TRAPPC9: variants seen among roughly 807,000 people sequenced by gnomAD.
The protein encoded by TRAPPC9 is IKK2 binding protein.
A neutral mutation model predicts 124.0 loss-of-function variants in TRAPPC9; 83 were observed. That is an observed-to-expected ratio of 0.67 (90% CI 0.56 to 0.80). TRAPPC9 has a LOEUF of 0.80. Ranked by LOEUF, TRAPPC9 falls within the 30% of genes least tolerant of loss-of-function variation. The pLI is 0.00. For missense variants in TRAPPC9, 1,302 were observed against 1,508.3 expected (o/e 0.86, Z 2.27); for synonymous variants, 638 against 617.5 (o/e 1.03, Z -0.49).
At chr8:140,033,665 T>G (rs111948603) in intron 17 of TRAPPC9, among the ~76,000 whole-genome samples, 2,188 of 26,554 alleles carry the variant, frequency 0.082, 15 homozygotes, top group South Asian at 0.19. Context: ...GTGGTTTTTT[T>G]TTTTTTTTTT....
chr8:139,786,221 A>G (rs1285910423), intron 21 of TRAPPC9, among the ~76,000 whole-genome samples: 4 of 151,922 alleles, frequency 2.6e-5, no homozygotes, highest in African/African-American at 9.7e-5. Flanking sequence ...CAAACAAACA[A>G]ATAAACCCAG....
chr8:139,830,293 G>GCA (rs35791031), intron 21 of TRAPPC9, among the ~76,000 whole-genome samples: 54,678 of 138,000 alleles, frequency 0.4, 15,445 homozygotes, highest in African/African-American at 0.78. Context: ...GCATACACAT[G>GCA]CACACACACT....
chr8:139,896,743 A>G (rs898804), intron 20 of TRAPPC9, among the ~76,000 whole-genome samples: 90,270 of 152,070 alleles, frequency 0.59, 27,499 homozygotes, highest in African/African-American at 0.74. Context: ...GGTTGTGCCA[A>G]GGCCCTGCAG....
At chr8:139,954,376 G>A (rs748826855) in intron 19 of TRAPPC9, among the ~76,000 whole-genome samples, 4 of 152,108 alleles carry the variant, frequency 2.6e-5, no homozygotes, top group African/African-American at 4.8e-5. Context: ...TCAAAGTGAC[G>A]GTATTAGGAG....
chr8:140,153,216 C>G (rs555472950), intron 17 of TRAPPC9, among the ~76,000 whole-genome samples: 1 of 152,278 alleles, frequency 6.6e-6, no homozygotes, highest in Non-Finnish European at 1.5e-5. Flanking sequence ...AGGACACTGT[C>G]CAAGCACAGG....
At chr8:140,033,721 G>A (rs71514663) in intron 17 of TRAPPC9, among the ~76,000 whole-genome samples, 4 of 111,688 alleles carry the variant, frequency 3.6e-5, no homozygotes, top group Admixed American at 2.8e-4. Flanking sequence ...TCGCTCTGTC[G>A]CCCAGGCTGG....
Position 140,285,794 on chromosome 8 carries a change from C to T in TRAPPC9, c.1982-1773G>A, listed in dbSNP as rs78651729. 7.8e-3 allele frequency among the ~76,000 whole-genome samples: 1,186 copies of T among 152,292 alleles called. 26 individuals carry two copies. The highest frequency in any genetic ancestry group is 0.044 in the Admixed American group (680 of 15,300). On this transcript the variant is annotated intron_variant, in intron 13 of 22. Coordinates refer to ENST00000438773, the MANE Select transcript of TRAPPC9 (RefSeq NM_001160372.4). ...GGGTCACTGACCCACTCACTCTCCC[C>T]GCTGGGTCCATGCCCAGAGTCATTC...
chr8:139,920,669 C>T (rs937901415), intron 19 of TRAPPC9, among the ~76,000 whole-genome samples: 2 of 152,210 alleles, frequency 1.3e-5, no homozygotes, highest in Non-Finnish European at 2.9e-5. Flanking sequence ...GACAGAGAAC[C>T]AGAGTGTTTC....
At chr8:139,918,528 G>C (rs887633040) in intron 19 of TRAPPC9, among the ~76,000 whole-genome samples, 1 of 152,214 alleles carries the variant, frequency 6.6e-6, no homozygotes, top group Admixed American at 6.5e-5. Flanking sequence ...CGGCCAGAGC[G>C]AGGGGCCCTC....
At chr8:140,443,866 A>G (rs1043467629) in intron 2 of TRAPPC9, among the ~76,000 whole-genome samples, 4 of 150,796 alleles carry the variant, frequency 2.7e-5, no homozygotes, top group Non-Finnish European at 4.4e-5. Context: ...GTGAAACCCC[A>G]TCTCTACTAA....
intron 3 of TRAPPC9, among the ~76,000 whole-genome samples, chr8:140,435,946 C>T (rs984513380): frequency 6.6e-6 from 1 of 152,214 alleles, no homozygotes; most frequent in African/African-American, 2.4e-5. Flanking sequence ...TTAAAAATGA[C>T]TTAGGATCAC....
chr8:139,739,832 C>T (rs994098657), intron 21 of TRAPPC9, among the ~76,000 whole-genome samples: 4 of 152,264 alleles, frequency 2.6e-5, no homozygotes, highest in Non-Finnish European at 5.9e-5. Context: ...TCTCATTCAC[C>T]GTGGTGTCCC....
rs149699788 is a variant in TRAPPC9, at chr8:140,312,524, G to T, written c.1496-1150C>A. 4.4e-4 allele frequency among the ~76,000 whole-genome samples: 67 copies of T among 152,276 alleles called. No individual in the cohort carries two copies. The East Asian group carries it at 0.013, about 29-fold the overall frequency. On this transcript the variant is annotated intron_variant, in intron 9 of 22. Coordinates refer to ENST00000438773, the MANE Select transcript of TRAPPC9 (RefSeq NM_001160372.4). ...AAAAGCAGTGAATGGCAGATACGGTGCACTGAATAAACTGAAATGATAATA... is the reference window on the plus strand; with the variant it reads ...AAAAGCAGTGAATGGCAGATACGGTTCACTGAATAAACTGAAATGATAATA...
At chr8:140,140,421 G>A (rs146337172) in intron 17 of TRAPPC9, among the ~76,000 whole-genome samples, 252 of 152,082 alleles carry the variant, frequency 1.7e-3, no homozygotes, top group African/African-American at 2.4e-3. Context: ...TGGGTTTTTC[G>A]GTGGGTTTTT....
intron 18 of TRAPPC9, among the ~76,000 whole-genome samples, chr8:140,018,950 G>T (rs1434337601): frequency 6.6e-6 from 1 of 152,228 alleles, no homozygotes; most frequent in Non-Finnish European, 1.5e-5. Context: ...GTTTCTTGTA[G>T]ATGGCCTTTG....
rs1837149005 is a variant in TRAPPC9, at chr8:139,984,930, G to A, written c.2810+3796C>T. Reference sequence around the variant, plus strand: ...AAGATGCCCTTGTCAGGCAGAAAAGGGCAGCCGCTCTGGCTGGGTTAGACA... The same window carrying A: ...AAGATGCCCTTGTCAGGCAGAAAAGAGCAGCCGCTCTGGCTGGGTTAGACA... On this transcript the variant is annotated intron_variant, in intron 19 of 22. Transcript: ENST00000438773. The surrounding 1 kb of genome is among the most constrained non-coding windows in gnomAD (Gnocchi z 4.3). Among the ~76,000 whole-genome samples, 3 of 152,164 alleles carry A rather than the reference G, an allele frequency of 2.0e-5. No individual in the cohort carries two copies. Among genetic ancestry groups the A allele is most frequent in the Admixed American group, 2.0e-4 (3 of 15,280 alleles).
At chr8:140,120,089 C>T (rs558151133) in intron 17 of TRAPPC9, among the ~76,000 whole-genome samples, 2 of 152,262 alleles carry the variant, frequency 1.3e-5, no homozygotes, top group South Asian at 2.1e-4. Flanking sequence ...TTAAGGTGAA[C>T]CCCTGGGTGT....
At chr8:140,064,370 G>A (rs536536136) in intron 17 of TRAPPC9, among the ~76,000 whole-genome samples, 10 of 152,206 alleles carry the variant, frequency 6.6e-5, no homozygotes, top group Admixed American at 2.6e-4. Flanking sequence ...AAAAGGAAGC[G>A]GAAACAGAAA....
intron 19 of TRAPPC9, among the ~76,000 whole-genome samples, chr8:139,960,981 A>G (rs1835341417): frequency 8.0e-6 from 1 of 125,310 alleles, no homozygotes; most frequent in African/African-American, 2.5e-5. Context: ...AAGTTCCATA[A>G]AACAAGCAAA....
Sources: allele counts gnomAD v4.1 joint callset (sites outside exome capture counted in the v4.1 genomes callset), GRCh38; gene constraint gnomAD v4.1.1; non-coding constraint Gnocchi (gnomAD v3.1); transcripts MANE v1.5; gene names NCBI Gene and HGNC (gene_info 2026-07-23, HGNC 2026-07-21).